The following GRIK1 variants were observed in gnomAD, a reference collection of about 807,000 sequenced individuals.
The protein encoded by GRIK1 is glutamate receptor ionotropic, kainate 1.
In GRIK1, 69 loss-of-function variants were observed where a neutral mutation model predicts 105.7. The observed-to-expected ratio is 0.65, with a 90% CI of 0.54 to 0.80. GRIK1 has a LOEUF of 0.80. Among genes scored for constraint, GRIK1 ranks in the 30% least tolerant of loss-of-function variants. The pLI, the probability that GRIK1 is intolerant of heterozygous loss-of-function variation, is 0.00. For missense variants in GRIK1, 1,109 were observed against 1,167.3 expected (o/e 0.95, Z 0.73); for synonymous variants, 438 against 431.3 (o/e 1.02, Z -0.19).
chr21:29,939,258 G>A, intron 1 of GRIK1, 125 bp downstream of exon 1: 1 of 638,124 alleles, frequency 1.6e-6, no homozygotes, highest in Non-Finnish European at 2.8e-6. Flanking sequence ...CATGAGCACT[G>A]ACCTCCACCT....
chr21:29,860,177 C>T (rs2068592360), intron 1 of GRIK1, among the ~76,000 whole-genome samples: 1 of 152,182 alleles, frequency 6.6e-6, no homozygotes, highest in Non-Finnish European at 1.5e-5. Context: ...TGCCTGGTGT[C>T]TAACTGATCC....
chr21:29,775,662 T>C (rs2065925447), intron 1 of GRIK1, among the ~76,000 whole-genome samples: 1 of 152,196 alleles, frequency 6.6e-6, no homozygotes, highest in African/African-American at 2.4e-5. Flanking sequence ...TTTCCAACTG[T>C]GTGCTATTTT....
At chr21:29,841,678 A>G (rs1389238636) in intron 1 of GRIK1, among the ~76,000 whole-genome samples, 1 of 152,204 alleles carries the variant, frequency 6.6e-6, no homozygotes, top group South Asian at 2.1e-4. Context: ...AGGCTTCACT[A>G]TATGCCACTG....
chr21:29,760,142 C>G (rs2065468530), intron 1 of GRIK1: 1 of 152,224 alleles, frequency 6.6e-6, no homozygotes, highest in African/African-American at 2.4e-5. Context: ...ACTCCAAAGC[C>G]TTACCTGTTT....
chr21:29,559,852 G>T lies in GRIK1; in HGVS notation c.2356+1772C>A, dbSNP rs1215462727. Among the ~76,000 whole-genome samples, 3 of 151,938 alleles carry T rather than the reference G, an allele frequency of 2.0e-5. No homozygotes were observed. The East Asian group carries it at 5.8e-4, about 29-fold the overall frequency. On this transcript the variant is annotated intron_variant, in intron 15 of 17. Transcript: ENST00000327783. ...AGAAAATGGAATATTCCACAATCTT[G>T]TTCTCAAATTCCTACATGTCTACAA...
chr21:29,829,223 GA>G (rs941218017), intron 1 of GRIK1, among the ~76,000 whole-genome samples: 1 of 152,100 alleles, frequency 6.6e-6, no homozygotes, highest in Non-Finnish European at 1.5e-5. Context: ...ACTCTAATAA[GA>G]AAAAGGCTTG....
intron 1 of GRIK1, among the ~76,000 whole-genome samples, chr21:29,896,126 T>C (rs1365969504): frequency 6.6e-6 from 1 of 152,214 alleles, no homozygotes. Context: ...CTGAGTCTAA[T>C]ATGGAACACC....
intron 6 of GRIK1, among the ~76,000 whole-genome samples, chr21:29,650,378 C>A (rs2832423): frequency 1.1e-4 from 17 of 152,270 alleles, no homozygotes; most frequent in African/African-American, 4.1e-4. Flanking sequence ...TATCTTTCCC[C>A]TTAGATGGCT....
At chr21:29,685,363 A>G (rs2063468855) in intron 3 of GRIK1, among the ~76,000 whole-genome samples, 1 of 152,234 alleles carries the variant, frequency 6.6e-6, no homozygotes, top group Non-Finnish European at 1.5e-5. Context: ...GACAAGTTAA[A>G]GTAGAGAAGA....
chr21:29,781,695 G>A (rs1254755731), intron 1 of GRIK1, among the ~76,000 whole-genome samples: 1 of 75,874 alleles, frequency 1.3e-5, no homozygotes. Flanking sequence ...ACGGAGTCTC[G>A]CTCTGTCGCC....
chr21:29,710,351 T>G (rs930844114), intron 1 of GRIK1, among the ~76,000 whole-genome samples: 28 of 152,094 alleles, frequency 1.8e-4, no homozygotes, highest in African/African-American at 6.5e-4. Context: ...TGTATTGGCC[T>G]TGTCAATTTT....
intron 1 of GRIK1, among the ~76,000 whole-genome samples, chr21:29,803,069 CTTGATGAGATGTGGAT>C: frequency 6.6e-6 from 1 of 151,972 alleles, no homozygotes; most frequent in Non-Finnish European, 1.5e-5. Flanking sequence ...CACTCTAATG[CTTGATGAGATGTGGAT>C]ATTTACGATC....
At chr21:29,886,552 A>T (rs1037417643) in intron 1 of GRIK1, among the ~76,000 whole-genome samples, 1 of 152,306 alleles carries the variant, frequency 6.6e-6, no homozygotes, top group East Asian at 1.9e-4. Flanking sequence ...TATTCTATGT[A>T]CAAGACACTG....
chr21:29,907,677 T>G (rs1333322783), intron 1 of GRIK1, among the ~76,000 whole-genome samples: 1 of 152,090 alleles, frequency 6.6e-6, no homozygotes, highest in Non-Finnish European at 1.5e-5. Flanking sequence ...AAATAAGAGC[T>G]AAACCTGACA....
At chr21:29,921,334 T>C (rs1368673504) in intron 1 of GRIK1, among the ~76,000 whole-genome samples, 1 of 152,170 alleles carries the variant, frequency 6.6e-6, no homozygotes, top group Non-Finnish European at 1.5e-5. Context: ...TTCCAATATA[T>C]TTCACAGTAG....
chr21:29,864,435 T>A (rs1056567946), intron 1 of GRIK1, among the ~76,000 whole-genome samples: 1 of 152,134 alleles, frequency 6.6e-6, no homozygotes, highest in Non-Finnish European at 1.5e-5. Context: ...AAAGTTCCAT[T>A]TTCTATGTAT....
intron 7 of GRIK1, among the ~76,000 whole-genome samples, chr21:29,633,615 G>C (rs1306572119): frequency 1.3e-5 from 2 of 152,086 alleles, no homozygotes; most frequent in Non-Finnish European, 2.9e-5. Flanking sequence ...TTATATATAA[G>C]ACAAAACCTA....
chr21:29,928,066 T>C (rs78748487), intron 1 of GRIK1, among the ~76,000 whole-genome samples: 1 of 152,242 alleles, frequency 6.6e-6, no homozygotes, highest in African/African-American at 2.4e-5. Context: ...TGAATTGTCT[T>C]GGGCCATACA....
At chr21:29,929,186 T>G (rs1464609141) in intron 1 of GRIK1, among the ~76,000 whole-genome samples, 2 of 152,006 alleles carry the variant, frequency 1.3e-5, no homozygotes, top group African/African-American at 4.8e-5. Flanking sequence ...CGATAAAGGG[T>G]TGGATTTACT....
Sources: gnomAD v4.1 joint callset for allele counts (sites outside exome capture counted in the v4.1 genomes callset) on GRCh38, gnomAD v4.1.1 for gene constraint, MANE v1.5 for transcripts, NCBI Gene and HGNC (gene_info 2026-07-23, HGNC 2026-07-21) for gene names.